SGMS1: variants seen among roughly 807,000 people sequenced by gnomAD.
SGMS1 encodes the protein phosphatidylcholine:ceramide cholinephosphotransferase 1.
A neutral mutation model predicts 46.2 loss-of-function variants in SGMS1; 13 were observed. The observed-to-expected ratio is 0.28, with a 90% CI of 0.18 to 0.45. The LOEUF (loss-of-function observed/expected upper bound fraction) is 0.45, where lower values mean the gene tolerates loss of function less well. Ranked by LOEUF, SGMS1 falls within the 20% of genes least tolerant of loss-of-function variation. The probability of loss-of-function intolerance (pLI) is 1.00; values close to 1 mark genes in which losing one functional copy is unlikely to be tolerated. For synonymous variants in SGMS1, 203 were observed against 187.8 expected, an observed-to-expected ratio of 1.08 and a Z score of -0.66; for missense variants, 324 against 519.9, an observed-to-expected ratio of 0.62 and a Z score of 3.66.
In SGMS1 at chr10:50,513,950, T is replaced by C. The variant is rs78018488; in HGVS notation, c.-498+5881A>G. Among the ~76,000 whole-genome samples the C allele has an allele frequency of 9.3e-3, 1,420 of 152,238 alleles. 27 individuals carry two copies. The highest frequency in any genetic ancestry group is 0.033 in the African/African-American group (1,355 of 41,508). ...CAAACCCATGAAGAATAGTTATGAA[T>C]CAAAGCTGAGTCTTAAATCTCATTT... On this transcript the variant is annotated intron_variant, in intron 3 of 10. Coordinates refer to ENST00000361781, the MANE Select transcript of SGMS1 (RefSeq NM_147156.4).
At chr10:50,519,301 T>C (rs1280072738) in intron 3 of SGMS1, among the ~76,000 whole-genome samples, 1 of 152,148 alleles carries the variant, frequency 6.6e-6, no homozygotes, top group Non-Finnish European at 1.5e-5. Flanking sequence ...ACGTTCTAGG[T>C]CAAGCTCTTT....
At chr10:50,612,766 T>C (rs563073301) in intron 1 of SGMS1, among the ~76,000 whole-genome samples, 47 of 152,286 alleles carry the variant, frequency 3.1e-4, no homozygotes, top group Admixed American at 2.2e-3. Context: ...TGGAGTGCAG[T>C]GGCGTGATCG....
intron 2 of SGMS1, among the ~76,000 whole-genome samples, chr10:50,582,968 C>T (rs1002653187): frequency 1.3e-5 from 2 of 152,206 alleles, no homozygotes; most frequent in Non-Finnish European, 2.9e-5. Context: ...CACTTGCTCC[C>T]CTGCCAGCAG....
intron 2 of SGMS1, among the ~76,000 whole-genome samples, chr10:50,561,056 G>A (rs7094723): frequency 3.9e-5 from 6 of 152,024 alleles, no homozygotes; most frequent in Admixed American, 1.3e-4. Flanking sequence ...TATAAACTTT[G>A]GAACCCATAG....
chr10:50,459,565 G>A (rs920988418), intron 5 of SGMS1, among the ~76,000 whole-genome samples: 3 of 151,530 alleles, frequency 2.0e-5, no homozygotes, highest in Non-Finnish European at 3.0e-5. Flanking sequence ...CACCATGCCC[G>A]GCTAATTTTT....
intron 2 of SGMS1, among the ~76,000 whole-genome samples, chr10:50,570,816 T>C (rs1838330762): frequency 6.6e-6 from 1 of 152,158 alleles, no homozygotes; most frequent in African/African-American, 2.4e-5. Context: ...CATGTGCCTG[T>C]AATCCCAGCT....
intron 8 of SGMS1, among the ~76,000 whole-genome samples, chr10:50,314,138 A>G (rs1180397739): frequency 6.6e-6 from 1 of 152,184 alleles, no homozygotes; most frequent in Non-Finnish European, 1.5e-5. Context: ...AGGACAAGGG[A>G]TGTGACCACA....
At chr10:50,438,542 T>G (rs1849502944) in intron 5 of SGMS1, among the ~76,000 whole-genome samples, 1 of 152,216 alleles carries the variant, frequency 6.6e-6, no homozygotes, top group African/African-American at 2.4e-5. Context: ...GACTGTGGCC[T>G]TGCTAAGTAC....
intron 5 of SGMS1, among the ~76,000 whole-genome samples, chr10:50,440,045 G>A (rs895258625): frequency 6.6e-6 from 1 of 152,128 alleles, no homozygotes; most frequent in African/African-American, 2.4e-5. Flanking sequence ...AAGCAATGCA[G>A]CAACAAAGAT....
At chr10:50,558,635 C>T (rs1332527953) in intron 2 of SGMS1, among the ~76,000 whole-genome samples, 2 of 152,152 alleles carry the variant, frequency 1.3e-5, no homozygotes, top group African/African-American at 2.4e-5. Flanking sequence ...CGAATTTGAA[C>T]TACGTGGTCC....
intron 6 of SGMS1, among the ~76,000 whole-genome samples, chr10:50,353,720 T>C (rs1197119697): frequency 6.6e-6 from 1 of 152,290 alleles, no homozygotes; most frequent in Non-Finnish European, 1.5e-5. Context: ...CTCCTTAAGC[T>C]GATAGGCAAC....
At chr10:50,475,999 C>G (rs942673814) in intron 3 of SGMS1, among the ~76,000 whole-genome samples, 1 of 149,316 alleles carries the variant, frequency 6.7e-6, no homozygotes, top group Admixed American at 6.8e-5. Context: ...ACCTTGTAAT[C>G]CCAGCATTTT....
intron 2 of SGMS1, among the ~76,000 whole-genome samples, chr10:50,571,499 G>A (rs560530513): frequency 6.6e-6 from 1 of 152,286 alleles, no homozygotes; most frequent in East Asian, 1.9e-4. Context: ...GTATCTGGGA[G>A]GTTGGCACAC....
intron 4 of SGMS1, among the ~76,000 whole-genome samples, chr10:50,464,664 C>T (rs1038055093): frequency 6.6e-6 from 1 of 152,228 alleles, no homozygotes; most frequent in Non-Finnish European, 1.5e-5. Context: ...GAACTCCTGA[C>T]TTCAAGTGAT....
chr10:50,580,464 G>C (rs776978476), intron 2 of SGMS1, among the ~76,000 whole-genome samples: 8 of 149,492 alleles, frequency 5.4e-5, no homozygotes, highest in Non-Finnish European at 1.2e-4. Context: ...ATAGAGACAA[G>C]GGAATCACCT....
chr10:50,378,310 C>T (rs1848548428), intron 6 of SGMS1, among the ~76,000 whole-genome samples: 1 of 152,172 alleles, frequency 6.6e-6, no homozygotes, highest in African/African-American at 2.4e-5. Flanking sequence ...AAACTAAGGG[C>T]ATACCAGAGA....
chr10:50,404,071 T>C (rs1767444593), intron 6 of SGMS1, among the ~76,000 whole-genome samples: 1 of 151,222 alleles, frequency 6.6e-6, no homozygotes, highest in South Asian at 2.1e-4. Flanking sequence ...TACAAGTCAA[T>C]ATGATAAAGA....
intron 2 of SGMS1, among the ~76,000 whole-genome samples, chr10:50,533,854 T>C (rs1345301315): frequency 6.6e-6 from 1 of 152,106 alleles, no homozygotes; most frequent in Non-Finnish European, 1.5e-5. Context: ...AAATGAACCA[T>C]GTTACATATA....
chr10:50,348,877 G>A (rs532803988), intron 6 of SGMS1, among the ~76,000 whole-genome samples: 1 of 152,138 alleles, frequency 6.6e-6, no homozygotes, highest in Non-Finnish European at 1.5e-5. Context: ...TAAGCAAAAA[G>A]AACAAAGTTG....
Sources: allele counts gnomAD v4.1 joint callset (sites outside exome capture counted in the v4.1 genomes callset), GRCh38; gene constraint gnomAD v4.1.1; transcripts MANE v1.5; gene names NCBI Gene and HGNC (gene_info 2026-07-23, HGNC 2026-07-21).